Variants in ABCC9 observed in about 807,000 individuals in gnomAD.
ABCC9 encodes the protein ATP-binding cassette sub-family C member 9.
In ABCC9, 95 loss-of-function variants were observed where a neutral mutation model predicts 188.3. The observed-to-expected ratio is 0.50, with a 90% CI of 0.43 to 0.60. The LOEUF is 0.60. Ranked by LOEUF, ABCC9 falls within the 20% of genes least tolerant of loss-of-function variation. The pLI, the probability that ABCC9 is intolerant of heterozygous loss-of-function variation, is 0.00. For synonymous variants in ABCC9, 659 were observed against 652.7 expected (o/e 1.01, Z -0.15); for missense variants, 1,102 against 1,876.3 (o/e 0.59, Z 7.62).
rs116694572 is a variant in ABCC9 at position 21,844,957 on chromosome 12, A to G, written c.3097-42T>C. On this transcript the variant is annotated intron_variant, in intron 26 of 39. Coordinates refer to ENST00000261200, the MANE Select transcript of ABCC9 (RefSeq NM_020297.4). ...ACAAAAAGCACATAGGAAATTATCA[A>G]TGGAGTTCTTTCTTACTAGAAAACC... is the stretch of plus-strand genomic sequence containing the variant. 1.2e-3 allele frequency: 1,852 copies of G among 1,607,880 alleles called. 12 individuals are homozygous for G. In the African/African-American group the frequency reaches 0.012, roughly 11 times the overall value.
chr12:21,931,228 C>T (rs1419104090), intron 4 of ABCC9, among the ~76,000 whole-genome samples: 2 of 151,992 alleles, frequency 1.3e-5, no homozygotes, highest in South Asian at 2.1e-4. Flanking sequence ...TGAGTTCTCA[C>T]GAGATCTGAT....
At chr12:21,863,222 T>C (rs1298729367) in intron 19 of ABCC9, among the ~76,000 whole-genome samples, 168 bp from the exon 20 acceptor site, 1 of 128,468 alleles carries the variant, frequency 7.8e-6, no homozygotes, top group Non-Finnish European at 1.7e-5. Context: ...TATTAAGAAA[T>C]GATTAAATAT....
At chr12:21,906,547 A>G (rs1948057458) in intron 11 of ABCC9, among the ~76,000 whole-genome samples, 1 of 152,132 alleles carries the variant, frequency 6.6e-6, no homozygotes, top group Non-Finnish European at 1.5e-5. Context: ...TAAAAGCTAA[A>G]AACAATTTTC....
intron 24 of ABCC9, 58 bp downstream of exon 24, chr12:21,852,039 G>A: frequency 6.3e-7 from 1 of 1,594,702 alleles, no homozygotes; most frequent in Non-Finnish European, 8.6e-7. Context: ...TTAGTAATTA[G>A]TAAATTTCTA....
chr12:21,912,733 T>C (rs960298493), intron 8 of ABCC9, 139 bp downstream of exon 8: 11 of 841,460 alleles, frequency 1.3e-5, no homozygotes, highest in African/African-American at 7.4e-5. Flanking sequence ...AAAATTACTG[T>C]TTTCTTTCTT....
rs781401356 is a variant in ABCC9, at chr12:21,845,619, G to A, written c.3080C>T (p.Thr1027Ile). 3.1e-6 allele frequency: 5 copies of A among 1,613,436 alleles called. No homozygotes were observed. The Admixed American group carries it at 6.7e-5, about 22-fold the overall frequency. The change falls in exon 26 of 40, where the codon ACT becomes ATT. Residue 1027 changes from threonine to isoleucine, a missense_variant. By Grantham distance (89) the Thr-to-Ile change is moderately conservative. This residue lies in a region of ABCC9 where 74 missense variants were observed against 132.7 expected (regional missense o/e 0.56). Transcript: ENST00000261200. ...CAATTGTACCTGATCAGCTTTTCCA[G>A]TATTGTTTATACTGTACTCCGATGT... ...TWTSEYSINN[T>I]GKADQTYYVA...
At chr12:21,911,012 A>T in intron 8 of ABCC9, 34 bp from the exon 9 acceptor site, 1 of 1,609,202 alleles carries the variant, frequency 6.2e-7, no homozygotes, top group East Asian at 2.2e-5. Flanking sequence ...TCATATTAAA[A>T]CTCGTCTTTT....
chr12:21,847,843 C>T (rs1944761436), intron 25 of ABCC9, among the ~76,000 whole-genome samples: 1 of 152,096 alleles, frequency 6.6e-6, no homozygotes, highest in Admixed American at 6.6e-5. Flanking sequence ...GGTCATTATA[C>T]TAGACAATTT....
At position 21,800,870 on chromosome 12, in the gene ABCC9, T is replaced by G. The variant is rs1941393703; in HGVS notation, c.*174A>C. 1 of 699,076 alleles carries G rather than the reference T, an allele frequency of 1.4e-6. No homozygotes were observed. The highest frequency in any genetic ancestry group is 2.4e-6 in the Non-Finnish European group (1 of 422,620). The allele number at this position is 699,076 out of a possible 1,614,324, so 43.3% of individuals were successfully genotyped here. A position where few individuals can be genotyped will look rare whatever the true frequency, so the allele number is the denominator to read the frequency against. On this transcript the variant is annotated 3_prime_UTR_variant, in exon 40 of 40. Transcript: ENST00000261200. ...ATAAAAACATCAATAATGAACATATTAAGCAATAATATCTTGAAAAACTGT... is the reference window on the plus strand; with the variant it reads ...ATAAAAACATCAATAATGAACATATGAAGCAATAATATCTTGAAAAACTGT...
intron 2 of ABCC9, among the ~76,000 whole-genome samples, chr12:21,936,973 G>A (rs1233261710): frequency 2.0e-5 from 3 of 152,010 alleles, no homozygotes; most frequent in Admixed American, 1.3e-4. Flanking sequence ...CCTCAAATGA[G>A]TGTCTGACTA....
Position 21,815,855 on chromosome 12 carries a change from C to G in ABCC9, c.3931G>C (p.Glu1311Gln). The change falls in exon 34 of 40, where the codon GAG (glutamate) becomes CAG (glutamine). Residue 1311 changes from glutamate to glutamine, a missense_variant. This residue lies in a region of ABCC9 where 143 missense variants were observed against 225.6 expected (regional missense o/e 0.63). Coordinates refer to ENST00000261200, the MANE Select transcript of ABCC9 (RefSeq NM_020297.4). ...ACACACAGATCATGTATCTTGATCT[C>G]CCCTTCTTGTGGCCAATGTTCTGGA... is the stretch of plus-strand genomic sequence containing the variant. ...QVPEHWPQEG[E>Q]IKIHDLCVRY... 1.2e-6 allele frequency: 2 copies of G among 1,613,280 alleles called. No homozygotes were observed. Among genetic ancestry groups the G allele is most frequent in the Non-Finnish European group, 1.7e-6 (2 of 1,179,594 alleles).
At chr12:21,879,561 TG>T (rs1005982308) in intron 16 of ABCC9, among the ~76,000 whole-genome samples, 91 of 152,276 alleles carry the variant, frequency 6.0e-4, no homozygotes, top group African/African-American at 2.0e-3. Flanking sequence ...ATGTACTAAA[TG>T]CCACTGGATT....
At position 21,859,618 on chromosome 12, in the gene ABCC9, C is replaced by T; in HGVS notation, c.2473G>A (p.Ala825Thr). The change falls in exon 22 of 40, where the codon GCG (alanine) becomes ACG (threonine). Residue 825 changes from alanine to threonine, a missense_variant. Ala to Thr is a moderately conservative substitution (Grantham distance 58). This residue lies in a region of ABCC9 where 31 missense variants were observed against 78.8 expected (regional missense o/e 0.39). Coordinates refer to ENST00000261200, the MANE Select transcript of ABCC9 (RefSeq NM_020297.4). ...ACAATGTTGGTGTTTTGATACAGCG[C>T]TCGTGCCACACAGATTCTCTGCCTC... ...GQRQRICVAR[A>T]LYQNTNIVFL... is the part of the protein sequence containing the mutation. 2 of 1,613,878 alleles carry T rather than the reference C, an allele frequency of 1.2e-6. No individual in the cohort carries two copies. Among genetic ancestry groups the T allele is most frequent in the Non-Finnish European group, 1.7e-6 (2 of 1,179,856 alleles).
chr12:21,815,462 A>T (rs1942544789), intron 34 of ABCC9, among the ~76,000 whole-genome samples: 1 of 152,176 alleles, frequency 6.6e-6, no homozygotes. Context: ...TTATGAATGC[A>T]AAGATTCCCA....
At chr12:21,802,433 A>G (rs1456586921) in intron 39 of ABCC9, among the ~76,000 whole-genome samples, 2 of 152,178 alleles carry the variant, frequency 1.3e-5, no homozygotes, top group Non-Finnish European at 1.5e-5. Flanking sequence ...TAGGAGCTAC[A>G]TTTTCAAAGT....
chr12:21,822,581 C>T lies in ABCC9; in HGVS notation c.3670-4330G>A, dbSNP rs150121781. On this transcript the variant is annotated intron_variant, in intron 31 of 39. Coordinates refer to ENST00000261200, the MANE Select transcript of ABCC9 (RefSeq NM_020297.4). ...TTGGGAGGTCAAGGCGGTCAGATCA[C>T]GAGGTCAGGAGATCGAGACCATCCT... 4.5e-3 allele frequency among the ~76,000 whole-genome samples: 685 copies of T among 152,082 alleles called. 7 individuals carry two copies. The highest frequency in any genetic ancestry group is 0.016 in the African/African-American group (657 of 41,472).
At chr12:21,878,670 G>C (rs1365284044) in intron 16 of ABCC9, among the ~76,000 whole-genome samples, 2 of 152,180 alleles carry the variant, frequency 1.3e-5, no homozygotes, top group African/African-American at 4.8e-5. Flanking sequence ...AAAACAGGTA[G>C]AAAATACCAT....
At chr12:21,902,132 G>A (rs1386917032) in intron 12 of ABCC9, among the ~76,000 whole-genome samples, 1 of 152,156 alleles carries the variant, frequency 6.6e-6, no homozygotes, top group African/African-American at 2.4e-5. Context: ...TAGAAATCAG[G>A]ATTAAGAAAC....
chr12:21,850,727 G>A (rs4148673), intron 24 of ABCC9, among the ~76,000 whole-genome samples: 47,077 of 151,740 alleles, frequency 0.31, 8,877 homozygotes, highest in South Asian at 0.49. Flanking sequence ...TTAAGTTTAC[G>A]TCATCTTCTT....
Sources: allele counts gnomAD v4.1 joint callset (sites outside exome capture counted in the v4.1 genomes callset), GRCh38; gene constraint gnomAD v4.1.1; regional missense constraint gnomAD v4.1.1; transcripts MANE v1.5; gene names NCBI Gene and HGNC (gene_info 2026-07-23, HGNC 2026-07-21).